AGPAT3: variants seen among roughly 807,000 people sequenced by gnomAD.
AGPAT3 encodes 1-acyl-sn-glycerol-3-phosphate acyltransferase gamma.
In AGPAT3, 5 loss-of-function variants were observed where a neutral mutation model predicts 47.3. The ratio of observed to expected loss-of-function variants is 0.11; its 90% CI spans 0.06 to 0.22. The LOEUF (loss-of-function observed/expected upper bound fraction) is 0.22. AGPAT3 is among the 10% of genes least tolerant of loss of function. The pLI, the probability that AGPAT3 is intolerant of heterozygous loss-of-function variation, is 1.00. For synonymous variants in AGPAT3, 212 were observed against 208.3 expected (o/e 1.02, Z -0.15); for missense variants, 315 against 493.0 (o/e 0.64, Z 3.42).
At chr21:43,980,907 A>G in intron 8 of AGPAT3, 82 bp from the exon 9 acceptor site, 1 of 1,368,812 alleles carries the variant, frequency 7.3e-7, no homozygotes, top group Non-Finnish European at 1.0e-6. Flanking sequence ...GTCGTTTTTC[A>G]TTGCCAACAA....
chr21:43,959,053 G>GAT, intron 2 of AGPAT3, among the ~76,000 whole-genome samples: 1 of 67,268 alleles, frequency 1.5e-5, no homozygotes, highest in African/African-American at 7.6e-5. Flanking sequence ...TGTGGTTTGT[G>GAT]GTATGGTATG....
At chr21:43,959,232 G>GGT (rs1433714842) in intron 2 of AGPAT3, among the ~76,000 whole-genome samples, 1 of 127,410 alleles carries the variant, frequency 7.8e-6, no homozygotes, top group Non-Finnish European at 1.6e-5. Context: ...TTTGTGATGT[G>GGT]GTGTGTGTGT....
rs1470264523 is a variant in AGPAT3 at position 43,955,195 on chromosome 21, G to A, written c.-48-4439G>A. 7.9e-7 allele frequency: 1 copy of A among 1,258,396 alleles called. No homozygotes were observed. Among genetic ancestry groups the A allele is most frequent in the African/African-American group, 1.5e-5 (1 of 64,998 alleles). The allele number at this position is 1,258,396 out of a possible 1,614,324, so 78.0% of individuals were successfully genotyped here. A position where few individuals can be genotyped will look rare whatever the true frequency, so the allele number is the denominator to read the frequency against. ...GTCTCAGAAGCACCGCGCTGGACCGGCTGGGCCAGATGCCATGGGATTCTG... is the reference window on the plus strand; with the variant it reads ...GTCTCAGAAGCACCGCGCTGGACCGACTGGGCCAGATGCCATGGGATTCTG... On this transcript the variant is annotated intron_variant, in intron 2 of 9. Transcript: ENST00000291572. This position sits in a 1 kb window ranked among gnomAD's most constrained non-coding sequence, Gnocchi z 4.1.
chr21:43,903,919 T>C lies in AGPAT3; in HGVS notation c.-111-38T>C, dbSNP rs541958704. 3.8e-3 allele frequency: 577 copies of C among 152,468 alleles called. 1 individual carries two copies. The highest frequency in any genetic ancestry group is 6.9e-3 in the Non-Finnish European group (469 of 68,066). 9.4% of individuals were successfully genotyped at this position (152,468 alleles called of 1,614,324 possible). Reference sequence around the variant, plus strand: ...TGGTCACACGGCGTCTCTCCAGTCCTGCGCAAGCACGTTGACATGTGTGCC... The same window carrying C: ...TGGTCACACGGCGTCTCTCCAGTCCCGCGCAAGCACGTTGACATGTGTGCC... On this transcript the variant is annotated intron_variant, in intron 1 of 9. Coordinates refer to ENST00000291572, the MANE Select transcript of AGPAT3 (RefSeq NM_020132.5).
intron 7 of AGPAT3, 73 bp downstream of exon 7, chr21:43,971,563 G>T (rs2089397037): frequency 1.4e-6 from 2 of 1,451,588 alleles, no homozygotes; most frequent in Non-Finnish European, 1.9e-6. Flanking sequence ...GAGGCCAGGA[G>T]GGTGGCTGGG....
chr21:43,895,347 A>G (rs1286608644), intron 1 of AGPAT3, among the ~76,000 whole-genome samples: 2 of 151,728 alleles, frequency 1.3e-5, no homozygotes, highest in African/African-American at 4.8e-5. Flanking sequence ...GAGCTCAGGC[A>G]GTCCGCCCGC....
intron 7 of AGPAT3, among the ~76,000 whole-genome samples, chr21:43,973,867 C>A (rs1478900849): frequency 2.0e-5 from 3 of 152,198 alleles, no homozygotes; most frequent in African/African-American, 7.2e-5. Context: ...CCAGGGCTGG[C>A]CCCTGGGCCG....
At chr21:43,980,954 C>T (rs751339511) in intron 8 of AGPAT3, 35 bp from the exon 9 acceptor site, 29 of 1,576,962 alleles carry the variant, frequency 1.8e-5, no homozygotes, top group Non-Finnish European at 2.4e-5. Flanking sequence ...TGTAAAGAAG[C>T]CTCACGCTTC....
intron 1 of AGPAT3, among the ~76,000 whole-genome samples, chr21:43,873,230 A>G (rs1322842157): frequency 6.6e-6 from 1 of 152,138 alleles, no homozygotes; most frequent in African/African-American, 2.4e-5. Context: ...CTCCAAATAA[A>G]ATGAAAAATA....
rs532863412 is a variant in AGPAT3 at position 43,933,558 on chromosome 21, T to C, written c.-48-26076T>C. Among the ~76,000 whole-genome samples the C allele has an allele frequency of 6.6e-6, 1 of 152,122 alleles. No individual in the cohort carries two copies. The highest frequency in any genetic ancestry group is 1.5e-5 in the Non-Finnish European group (1 of 68,022). On this transcript the variant is annotated intron_variant, in intron 2 of 9. Transcript: ENST00000291572. The surrounding 1 kb of genome is among the most constrained non-coding windows in gnomAD (Gnocchi z 6.0). Reference sequence around the variant, plus strand: ...GTTCTCAGTGCGCCCCGGGGGTCTTTGGTTCTCCATAGCCTGCTGGCGTCC... The same window carrying C: ...GTTCTCAGTGCGCCCCGGGGGTCTTCGGTTCTCCATAGCCTGCTGGCGTCC...
rs547956040 is a variant in AGPAT3, at chr21:43,955,798, C to T, written c.-48-3836C>T. On this transcript the variant is annotated intron_variant, in intron 2 of 9. Transcript: ENST00000291572. This position sits in a 1 kb window ranked among gnomAD's most constrained non-coding sequence, Gnocchi z 4.1. ...GTGCATACCTGTGGTCCCAGCTACT[C>T]GGGAGGCTGAGGCATGAGAATTGCT... Among the ~76,000 whole-genome samples the T allele has an allele frequency of 1.2e-4, 18 of 151,110 alleles. No individual in the cohort carries two copies. The highest frequency in any genetic ancestry group is 3.9e-4 in the African/African-American group (16 of 41,126).
chr21:43,883,574 G>A (rs1254071930), intron 1 of AGPAT3, among the ~76,000 whole-genome samples: 1 of 152,124 alleles, frequency 6.6e-6, no homozygotes, highest in Non-Finnish European at 1.5e-5. Context: ...CTTCTGGTCA[G>A]TATTCCGTTT....
At chr21:43,871,681 G>A (rs1434272520) in intron 1 of AGPAT3, among the ~76,000 whole-genome samples, 2 of 152,184 alleles carry the variant, frequency 1.3e-5, no homozygotes, top group African/African-American at 2.4e-5. Context: ...GGTTATGTGT[G>A]TCCTTCCCTG....
Position 43,931,922 on chromosome 21 carries a change from C to CGTGTGT in AGPAT3, c.-48-27673_-48-27668dup, listed in dbSNP as rs55978822. On this transcript the variant is annotated intron_variant, in intron 2 of 9. Coordinates refer to ENST00000291572, the MANE Select transcript of AGPAT3 (RefSeq NM_020132.5). ...TCTGCTTTTTACCTGAAGAGGATCT[C>CGTGTGT]GTGTGTGTGTGTGTGTGTGTGTGTG... Among the ~76,000 whole-genome samples, 206 of 145,756 alleles carry CGTGTGT rather than the reference C, an allele frequency of 1.4e-3. 1 individual carries two copies. The highest frequency in any genetic ancestry group is 4.2e-3 in the South Asian group (19 of 4,498).
chr21:43,895,816 G>T (rs2086203184), intron 1 of AGPAT3, among the ~76,000 whole-genome samples: 1 of 152,102 alleles, frequency 6.6e-6, no homozygotes. Flanking sequence ...GCCTAGGCCG[G>T]AGTGCAATGG....
At chr21:43,919,078 G>C (rs1378308308) in intron 2 of AGPAT3, among the ~76,000 whole-genome samples, 2 of 152,062 alleles carry the variant, frequency 1.3e-5, no homozygotes, top group Non-Finnish European at 2.9e-5. Flanking sequence ...TCACACATCT[G>C]TCCATCATTT....
intron 1 of AGPAT3, among the ~76,000 whole-genome samples, chr21:43,894,319 A>G (rs749945824): frequency 6.7e-5 from 10 of 150,184 alleles, no homozygotes; most frequent in Non-Finnish European, 1.5e-4. Flanking sequence ...TGAACTTAGC[A>G]TGATCATTTT....
Position 43,959,767 on chromosome 21 carries a change from A to C in AGPAT3, c.86A>C (p.Asn29Thr), listed in dbSNP as rs1214091259. Residue 29 changes from asparagine to threonine, a missense_variant, in exon 3 of 10, where the codon AAC becomes ACC. By Grantham distance (65) the Asn-to-Thr change is moderately conservative. Transcript: ENST00000291572. ...TTCGTGGTGAGTGGTCTGGTCATCA[A>C]CTTCGTCCAGCTGTGCACGCTGGCG... ...FVFVVSGLVI[N>T]FVQLCTLALW... is the part of the protein sequence containing the mutation. The C allele has an allele frequency of 1.2e-6, 2 of 1,613,738 alleles. No homozygotes were observed. The highest frequency in any genetic ancestry group is 1.1e-5 in the South Asian group (1 of 91,080).
At chr21:43,956,417 A>T (rs977447505) in intron 2 of AGPAT3, among the ~76,000 whole-genome samples, 1 of 152,146 alleles carries the variant, frequency 6.6e-6, no homozygotes, top group Admixed American at 6.5e-5. Flanking sequence ...TCACCTGTCA[A>T]CTGGGGCAGT....
Sources: gnomAD v4.1 joint callset for allele counts (sites outside exome capture counted in the v4.1 genomes callset) on GRCh38, gnomAD v4.1.1 for gene constraint, Gnocchi (gnomAD v3.1) non-coding constraint, MANE v1.5 for transcripts, NCBI Gene and HGNC (gene_info 2026-07-23, HGNC 2026-07-21) for gene names.